Variants in GNAI2 observed in about 807,000 individuals in gnomAD.
GNAI2 encodes the protein guanine nucleotide-binding protein G(i) subunit alpha-2.
GNAI2 carries 4 observed loss-of-function variants against 36.8 expected under a neutral mutation model. The ratio of observed to expected loss-of-function variants is 0.11; its 90% CI spans 0.05 to 0.25. The LOEUF (loss-of-function observed/expected upper bound fraction) is 0.25, where lower values mean the gene tolerates loss of function less well. Among genes scored for constraint, GNAI2 ranks in the 10% least tolerant of loss-of-function variants. The probability of loss-of-function intolerance (pLI) is 1.00; values close to 1 mark genes in which losing one functional copy is unlikely to be tolerated. For synonymous variants in GNAI2, 194 were observed against 194.1 expected (o/e 1.00, Z 0.01); for missense variants, 230 against 481.3 (o/e 0.48, Z 4.89).
rs910429753 is a variant in GNAI2 at position 50,258,668 on chromosome 3, C to T, written c.*325C>T. On this transcript the variant is annotated 3_prime_UTR_variant, in exon 9 of 9. Transcript: ENST00000313601. ...GCACATGCTGAGTCTCCCAAGGCTG[C>T]GTCTGGAGGGGCCCCTGCTTCTCCA... 2.0e-5 allele frequency: 7 copies of T among 343,848 alleles called. No individual in the cohort carries two copies. The highest frequency in any genetic ancestry group is 3.4e-5 in the Non-Finnish European group (6 of 177,278). The allele number at this position is 343,848 out of a possible 1,614,324, so 21.3% of individuals were successfully genotyped here.
At chr3:50,251,885 G>T in intron 1 of GNAI2, 4 of 1,030,644 alleles carry the variant, frequency 3.9e-6, no homozygotes, top group Non-Finnish European at 5.4e-6. Flanking sequence ...GTCTGCCATG[G>T]GGCACAGGTG....
At chr3:50,249,567 A>G (rs587738920) in intron 1 of GNAI2, among the ~76,000 whole-genome samples, 1 of 152,284 alleles carries the variant, frequency 6.6e-6, no homozygotes, top group South Asian at 2.1e-4. Context: ...GGCTAAAGCA[A>G]TAGAGGGGAT....
intron 1 of GNAI2, chr3:50,251,801 C>T (rs1700564025): frequency 6.9e-6 from 9 of 1,306,630 alleles, no homozygotes; most frequent in Non-Finnish European, 8.9e-6. Flanking sequence ...GCCAAGTCTC[C>T]AGCCAAGACC....
upstream of GNAI2, among the ~76,000 whole-genome samples, chr3:50,234,336 C>G (rs1214415548): frequency 3.3e-5 from 5 of 151,112 alleles, no homozygotes; most frequent in African/African-American, 1.2e-4. Flanking sequence ...GGATTACAGG[C>G]GTGAGCCACC....
At chr3:50,236,102 C>G (rs587687782), upstream of GNAI2, 102 of 909,718 alleles carry the variant, frequency 1.1e-4, no homozygotes, top group African/African-American at 1.7e-3. This position sits in a 1 kb window ranked among gnomAD's most constrained non-coding sequence, Gnocchi z 4.0. Context: ...TCTGGCCCCG[C>G]CTGCAAGCCC....
intron 1 of GNAI2, among the ~76,000 whole-genome samples, chr3:50,249,625 G>A (rs1700507742): frequency 6.6e-6 from 1 of 152,206 alleles, no homozygotes; most frequent in Admixed American, 6.5e-5. Flanking sequence ...CTGCACATTT[G>A]TATGTCCACA....
upstream of GNAI2, chr3:50,230,767 C>T: frequency 1.0e-6 from 1 of 978,302 alleles, no homozygotes; most frequent in Non-Finnish European, 1.2e-6. Flanking sequence ...CCTTTATGGT[C>T]TAGTCCAAGC....
rs1700665398 is a variant in GNAI2 at position 50,255,352 on chromosome 3, T to G, written c.465-840T>G. ...GGTAATGAGGAGCCCCTGGGACCCC[T>G]GCCAAGCAGGTGTCTGTGCCCTCCC... On this transcript the variant is annotated intron_variant, in intron 4 of 8. Coordinates refer to ENST00000313601, the MANE Select transcript of GNAI2 (RefSeq NM_002070.4). The surrounding 1 kb of genome is among the most constrained non-coding windows in gnomAD (Gnocchi z 4.0). Among the ~76,000 whole-genome samples the G allele has an allele frequency of 6.6e-6, 1 of 152,160 alleles. No individual in the cohort carries two copies. The highest frequency in any genetic ancestry group is 1.9e-4 in the East Asian group (1 of 5,192).
chr3:50,231,134 C>T (rs587637066), intron 1 of GNAI2: 1 of 165,070 alleles, frequency 6.1e-6, no homozygotes, highest in East Asian at 1.9e-4. Flanking sequence ...TCTTCTCCCT[C>T]TAGCACTCCC....
At chr3:50,227,517 C>G (rs1421360877), upstream of GNAI2, 7 of 214,962 alleles carry the variant, frequency 3.3e-5, no homozygotes, top group South Asian at 1.8e-4. The surrounding 1 kb of genome is among the most constrained non-coding windows in gnomAD (Gnocchi z 5.9). Flanking sequence ...GCCGCTGCCC[C>G]GCGAAGCCGT....
upstream of GNAI2, among the ~76,000 whole-genome samples, chr3:50,233,750 G>A (rs998561402): frequency 5.3e-5 from 8 of 152,134 alleles, no homozygotes; most frequent in Non-Finnish European, 1.2e-4. Context: ...CAGGACAGGA[G>A]GGGGGCCTGA....
intron 1 of GNAI2, among the ~76,000 whole-genome samples, chr3:50,231,193 GT>G (rs1553699763): frequency 6.6e-6 from 1 of 152,136 alleles, no homozygotes; most frequent in Non-Finnish European, 1.5e-5. Flanking sequence ...GGCACTATTG[GT>G]TTCTCTTTTC....
chr3:50,233,289 C>T (rs894256427), upstream of GNAI2, among the ~76,000 whole-genome samples: 1 of 152,290 alleles, frequency 6.6e-6, no homozygotes, highest in Non-Finnish European at 1.5e-5. Context: ...CTTCCAGTAG[C>T]CCCATCTTGC....
In GNAI2 at chr3:50,252,009, G is replaced by A; in HGVS notation, c.119-91G>A. 1 of 1,296,360 alleles carries A rather than the reference G, an allele frequency of 7.7e-7. No individual in the cohort carries two copies. The highest frequency in any genetic ancestry group is 1.1e-6 in the Non-Finnish European group (1 of 908,992). The allele number at this position is 1,296,360 out of a possible 1,614,324, so 80.3% of individuals were successfully genotyped here. On this transcript the variant is annotated intron_variant, in intron 1 of 8. Coordinates refer to ENST00000313601, the MANE Select transcript of GNAI2 (RefSeq NM_002070.4). This position sits in a 1 kb window ranked among gnomAD's most constrained non-coding sequence, Gnocchi z 4.1. ...TGCAGCTGGTGGGAAGGTTAGTTCT[G>A]CCTCCTGGGCTACAGGTGTCTGGGC...
At position 50,236,447 on chromosome 3, in the gene GNAI2, C is replaced by A; in HGVS notation, c.112C>A (p.Leu38Met). 6.3e-7 allele frequency: 1 copy of A among 1,574,822 alleles called. No individual in the cohort carries two copies. The highest frequency in any genetic ancestry group is 8.6e-7 in the Non-Finnish European group (1 of 1,163,962). Reference sequence around the variant, plus strand: ...GGCGGCGCGGGAGGTGAAGTTGCTGCTGTTGGGTGAGGCCGCGTCCCGCAC... The same window carrying A: ...GGCGGCGCGGGAGGTGAAGTTGCTGATGTTGGGTGAGGCCGCGTCCCGCAC... ...EKAAREVKLL[L>M]LGAGESGKST... The change falls in exon 1 of 9, where the codon CTG (leucine) becomes ATG (methionine). Residue 38 changes from leucine (L) to methionine (M), a missense_variant. Physicochemically the swap from Leu to Met is conservative, Grantham distance 15. Transcript: ENST00000313601. This position sits in a 1 kb window ranked among gnomAD's most constrained non-coding sequence, Gnocchi z 4.0.
chr3:50,252,632 G>C lies in GNAI2; in HGVS notation c.303+94G>C. 1 of 1,093,694 alleles carries C rather than the reference G, an allele frequency of 9.1e-7. No homozygotes were observed. Among genetic ancestry groups the C allele is most frequent in the Non-Finnish European group, 1.3e-6 (1 of 749,290 alleles). 67.7% of individuals were successfully genotyped at this position (1,093,694 alleles called of 1,614,324 possible). Reference sequence around the variant, plus strand: ...ATGCCTATAAATCCCAGCACTTTGGGACGCCGAGGCGGGTGGATCACCTGA... The same window carrying C: ...ATGCCTATAAATCCCAGCACTTTGGCACGCCGAGGCGGGTGGATCACCTGA... On this transcript the variant is annotated intron_variant, in intron 3 of 8. Coordinates refer to ENST00000313601, the MANE Select transcript of GNAI2 (RefSeq NM_002070.4). This position sits in a 1 kb window ranked among gnomAD's most constrained non-coding sequence, Gnocchi z 4.1.
intron 1 of GNAI2, among the ~76,000 whole-genome samples, chr3:50,248,678 C>T (rs1553702034): frequency 6.6e-6 from 1 of 152,190 alleles, no homozygotes; most frequent in East Asian, 1.9e-4. Flanking sequence ...AAGAGACCAG[C>T]CTGAGTCTAG....
chr3:50,238,619 G>A lies in GNAI2; in HGVS notation c.118+2166G>A, dbSNP rs1700236638. On this transcript the variant is annotated intron_variant, in intron 1 of 8. Coordinates refer to ENST00000313601, the MANE Select transcript of GNAI2 (RefSeq NM_002070.4). The surrounding 1 kb of genome is among the most constrained non-coding windows in gnomAD (Gnocchi z 5.0). ...GGGGAGGGAGAACAAGAGCCTCCTG[G>A]TGGTTCTTGTTGGGGATGTAGGTTG... Among the ~76,000 whole-genome samples, 1 of 152,232 alleles carries A rather than the reference G, an allele frequency of 6.6e-6. No individual in the cohort carries two copies. Among genetic ancestry groups the A allele is most frequent in the Non-Finnish European group, 1.5e-5 (1 of 68,026 alleles).
intron 1 of GNAI2, among the ~76,000 whole-genome samples, chr3:50,249,296 C>T (rs1228221377): frequency 6.6e-6 from 1 of 152,170 alleles, no homozygotes; most frequent in Non-Finnish European, 1.5e-5. Flanking sequence ...GTGGGGAAGA[C>T]AGTCAGGTAG....
Sources: allele counts gnomAD v4.1 joint callset (sites outside exome capture counted in the v4.1 genomes callset), GRCh38; gene constraint gnomAD v4.1.1; non-coding constraint Gnocchi (gnomAD v3.1); transcripts MANE v1.5; gene names NCBI Gene and HGNC (gene_info 2026-07-23, HGNC 2026-07-21).